The following SLC24A2 variants were observed in gnomAD, a reference collection of about 807,000 sequenced individuals.
SLC24A2 encodes the protein sodium/potassium/calcium exchanger 2.
Under a neutral mutation model 62.0 loss-of-function variants are expected in SLC24A2, and 36 were observed. The ratio of observed to expected loss-of-function variants is 0.58; its 90% CI spans 0.44 to 0.77. The LOEUF (loss-of-function observed/expected upper bound fraction) is 0.77, where lower values mean the gene tolerates loss of function less well. Ranked by LOEUF, SLC24A2 falls within the 30% of genes least tolerant of loss-of-function variation. The pLI is 0.00. For missense variants in SLC24A2, 846 were observed against 817.9 expected, an observed-to-expected ratio of 1.03 and a Z score of -0.42; for synonymous variants, 358 against 294.0, an observed-to-expected ratio of 1.22 and a Z score of -2.23.
chr9:20,055,934 CAAA>C, the SLC24A2 span, among the ~76,000 whole-genome samples: 2 of 151,832 alleles, frequency 1.3e-5, no homozygotes, highest in Non-Finnish European at 2.9e-5. Flanking sequence ...ATACCAGCTC[CAAA>C]GTTCATGTTC....
At chr9:19,692,931 T>C (rs1334128362) in intron 2 of SLC24A2, among the ~76,000 whole-genome samples, 2 of 152,146 alleles carry the variant, frequency 1.3e-5, no homozygotes, top group Non-Finnish European at 2.9e-5. Flanking sequence ...AATACATACT[T>C]GTTAGCCATT....
the SLC24A2 span, among the ~76,000 whole-genome samples, chr9:20,031,200 T>C: frequency 2.7e-5 from 4 of 150,686 alleles, no homozygotes; most frequent in African/African-American, 4.9e-5. Context: ...GTGAAGAGAA[T>C]TGCTTTACTT....
chr9:19,698,255 A>G (rs542538067), intron 2 of SLC24A2, among the ~76,000 whole-genome samples: 1 of 152,254 alleles, frequency 6.6e-6, no homozygotes, highest in Admixed American at 6.5e-5. Context: ...AATTGCAGCC[A>G]AAACTTTGTT....
At chr9:20,055,752 G>C in the SLC24A2 span, among the ~76,000 whole-genome samples, 9 of 152,110 alleles carry the variant, frequency 5.9e-5, no homozygotes, top group African/African-American at 2.2e-4. Context: ...GCCAGGTGTG[G>C]TGGTGGGAGC....
chr9:20,091,459 A>C, the SLC24A2 span, among the ~76,000 whole-genome samples: 4 of 152,144 alleles, frequency 2.6e-5, no homozygotes, highest in Admixed American at 1.3e-4. Flanking sequence ...GAGAAAGGCC[A>C]AGTCACCTAT....
At chr9:19,835,453 C>A in the SLC24A2 span, among the ~76,000 whole-genome samples, 1 of 151,984 alleles carries the variant, frequency 6.6e-6, no homozygotes, top group African/African-American at 2.4e-5. Flanking sequence ...AGACTTTAAA[C>A]CAACGAAGAT....
At chr9:20,124,078 C>T in the SLC24A2 span, among the ~76,000 whole-genome samples, 1 of 152,028 alleles carries the variant, frequency 6.6e-6, no homozygotes, top group Non-Finnish European at 1.5e-5. Flanking sequence ...ACAGCCTTTC[C>T]AATACTTTCT....
At chr9:19,942,106 C>A in the SLC24A2 span, among the ~76,000 whole-genome samples, 1 of 152,126 alleles carries the variant, frequency 6.6e-6, no homozygotes, top group Non-Finnish European at 1.5e-5. Flanking sequence ...ATTTTCCAAG[C>A]CTTATGCATA....
At chr9:19,986,765 G>A in the SLC24A2 span, among the ~76,000 whole-genome samples, 2 of 152,122 alleles carry the variant, frequency 1.3e-5, no homozygotes, top group Non-Finnish European at 2.9e-5. Flanking sequence ...CAGATTGGTA[G>A]TTGCCCGAGG....
intron 7 of SLC24A2, among the ~76,000 whole-genome samples, chr9:19,565,087 AAC>A (rs985825018): frequency 1.3e-5 from 2 of 152,120 alleles, no homozygotes; most frequent in African/African-American, 4.8e-5. Flanking sequence ...ACTCCTATTC[AAC>A]ACAGTGTTGG....
At chr9:20,229,559 G>A in the SLC24A2 span, among the ~76,000 whole-genome samples, 17 of 151,970 alleles carry the variant, frequency 1.1e-4, no homozygotes, top group African/African-American at 3.6e-4. Context: ...CAAGGGCCTG[G>A]GGATACAAAA....
At chr9:20,110,057 G>A in the SLC24A2 span, among the ~76,000 whole-genome samples, 7 of 151,838 alleles carry the variant, frequency 4.6e-5, no homozygotes, top group South Asian at 4.2e-4. Context: ...CTATTTCAAC[G>A]TCAAGTAATC....
the SLC24A2 span, among the ~76,000 whole-genome samples, chr9:20,153,375 T>C: frequency 6.6e-6 from 1 of 151,778 alleles, no homozygotes. Flanking sequence ...TGATGTTTGG[T>C]AATTGGGTAA....
the SLC24A2 span, among the ~76,000 whole-genome samples, chr9:19,797,848 TG>T: frequency 6.6e-6 from 1 of 152,206 alleles, no homozygotes; most frequent in Admixed American, 6.5e-5. Flanking sequence ...CCATAAAGGA[TG>T]GGGAACGGTG....
At chr9:20,173,944 A>G in the SLC24A2 span, among the ~76,000 whole-genome samples, 1 of 152,162 alleles carries the variant, frequency 6.6e-6, no homozygotes, top group East Asian at 1.9e-4. Flanking sequence ...ATGTAATTTC[A>G]AACTATACTA....
intron 2 of SLC24A2, among the ~76,000 whole-genome samples, chr9:19,722,662 A>G (rs2118661863): frequency 6.6e-6 from 1 of 152,212 alleles, no homozygotes; most frequent in South Asian, 2.1e-4. Context: ...GATATTAAAA[A>G]AAAAAAACCA....
At chr9:19,677,710 A>G (rs1483967036) in intron 2 of SLC24A2, among the ~76,000 whole-genome samples, 2 of 151,974 alleles carry the variant, frequency 1.3e-5, no homozygotes, top group East Asian at 1.9e-4. Flanking sequence ...ATACATTTAC[A>G]TATCTAAATA....
At chr9:20,158,141 G>T in the SLC24A2 span, among the ~76,000 whole-genome samples, 2 of 151,524 alleles carry the variant, frequency 1.3e-5, no homozygotes, top group Non-Finnish European at 3.0e-5. Context: ...GAAAGAAACA[G>T]GAAGAAATGC....
chr9:20,273,232 CT>C, the SLC24A2 span, among the ~76,000 whole-genome samples: 1 of 152,170 alleles, frequency 6.6e-6, no homozygotes, highest in African/African-American at 2.4e-5. Context: ...ACTGCCCCAC[CT>C]TTTTGTGTGA....
Sources: gnomAD v4.1 joint callset for allele counts (sites outside exome capture counted in the v4.1 genomes callset) on GRCh38, gnomAD v4.1.1 for gene constraint, MANE v1.5 for transcripts, NCBI Gene and HGNC (gene_info 2026-07-23, HGNC 2026-07-21) for gene names.